SLC8A1: variants seen among roughly 807,000 people sequenced by gnomAD.
SLC8A1 encodes the protein solute carrier family 8 member A1, also known as sodium/calcium exchanger 1.
A neutral mutation model predicts 68.3 loss-of-function variants in SLC8A1; 18 were observed. The observed-to-expected ratio is 0.26, with a 90% confidence interval of 0.18 to 0.39. The LOEUF (loss-of-function observed/expected upper bound fraction) is 0.39, where lower values mean the gene tolerates loss of function less well. Ranked by LOEUF, SLC8A1 falls within the 10% of genes least tolerant of loss-of-function variation. The pLI, the probability that SLC8A1 is intolerant of heterozygous loss-of-function variation, is 1.00. For synonymous variants in SLC8A1, 475 were observed against 415.5 expected (o/e 1.14, Z -1.74); for missense variants, 985 against 1,156.7 (o/e 0.85, Z 2.15).
chr2:40,250,950 C>T (rs981898617), intron 2 of SLC8A1: 1 of 152,222 alleles, frequency 6.6e-6, no homozygotes, highest in African/African-American at 2.4e-5. Context: ...TGGGTGGCCC[C>T]AAACTCCCAC....
intron 1 of SLC8A1, among the ~76,000 whole-genome samples, chr2:40,465,901 C>G (rs1049915345): frequency 6.6e-6 from 1 of 152,074 alleles, no homozygotes; most frequent in African/African-American, 2.4e-5. Context: ...CAATATAGAA[C>G]GGTCTTTTGG....
chr2:40,263,526 C>A (rs929377683), intron 2 of SLC8A1, among the ~76,000 whole-genome samples: 1 of 152,020 alleles, frequency 6.6e-6, no homozygotes, highest in Non-Finnish European at 1.5e-5. Context: ...TGGAACAGAA[C>A]AGAGCCCTCA....
chr2:40,481,772 T>TC (rs1704644739), intron 1 of SLC8A1, among the ~76,000 whole-genome samples: 1 of 152,186 alleles, frequency 6.6e-6, no homozygotes, highest in Non-Finnish European at 1.5e-5. Flanking sequence ...TGCCAGTTCT[T>TC]CATGTCTCCA....
Position 40,230,234 on chromosome 2 carries a change from G to C in SLC8A1, c.1809-52379C>G, listed in dbSNP as rs1213264810. 2.6e-5 allele frequency among the ~76,000 whole-genome samples: 4 copies of C among 152,192 alleles called. No homozygotes were observed. In the East Asian group the frequency reaches 7.7e-4, roughly 29 times the overall value. On this transcript the variant is annotated intron_variant, in intron 2 of 7. Coordinates refer to ENST00000406785, the Ensembl canonical transcript of SLC8A1. ...TACTCTAAAGATTCTAGTTTTGCTA[G>C]ATGTGTCTTGTCTTCCCCTACTTTT...
At chr2:40,439,925 CA>C (rs1700170548) in intron 1 of SLC8A1, among the ~76,000 whole-genome samples, 2 of 152,098 alleles carry the variant, frequency 1.3e-5, no homozygotes, top group African/African-American at 4.8e-5. Context: ...TACTCAGTGA[CA>C]AAGTTCTAAC....
exon 8 of SLC8A1, chr2:40,107,322 C>T (rs1217014554): frequency 7.3e-6 from 1 of 136,942 alleles, no homozygotes; most frequent in African/African-American, 2.7e-5. Context: ...TAACAACAGG[C>T]ATGGGAACCT....
chr2:40,300,293 T>G (rs1416873430), intron 2 of SLC8A1, among the ~76,000 whole-genome samples: 2 of 152,204 alleles, frequency 1.3e-5, no homozygotes. Context: ...TATAAAGTCA[T>G]TCTTGTTATC....
At chr2:40,249,971 A>G (rs2062485457) in intron 2 of SLC8A1, among the ~76,000 whole-genome samples, 1 of 152,154 alleles carries the variant, frequency 6.6e-6, no homozygotes, top group Admixed American at 6.6e-5. Flanking sequence ...ATCCAAATCT[A>G]TTGGTCTAGG....
chr2:40,479,853 G>A (rs1704523681), intron 1 of SLC8A1, among the ~76,000 whole-genome samples: 1 of 152,152 alleles, frequency 6.6e-6, no homozygotes. Context: ...CCTTCATAGT[G>A]ATCCACTTAC....
intron 1 of SLC8A1, 97 bp from the exon 2 acceptor site, chr2:40,430,401 C>A: frequency 7.7e-7 from 1 of 1,296,008 alleles, no homozygotes; most frequent in Non-Finnish European, 1.0e-6. Flanking sequence ...TTACTCTTAC[C>A]AAAATTTGTT....
At chr2:40,128,731 T>C (rs1351452817) in intron 7 of SLC8A1, among the ~76,000 whole-genome samples, 1 of 152,162 alleles carries the variant, frequency 6.6e-6, no homozygotes, top group Non-Finnish European at 1.5e-5. Flanking sequence ...TTTAAAAAGG[T>C]GGACAAATCC....
chr2:40,423,671 G>A (rs940334821), intron 2 of SLC8A1, among the ~76,000 whole-genome samples: 3 of 151,886 alleles, frequency 2.0e-5, no homozygotes, highest in African/African-American at 7.2e-5. Context: ...GCTTTAATTA[G>A]TGCTGGAAAA....
intron 6 of SLC8A1, among the ~76,000 whole-genome samples, chr2:40,151,743 CAA>C (rs988791335): frequency 1.2e-4 from 18 of 152,104 alleles, no homozygotes; most frequent in African/African-American, 4.1e-4. Context: ...CTTCCAGTTG[CAA>C]GGTGACAAAA....
chr2:40,266,647 C>T (rs1021482014), intron 2 of SLC8A1, among the ~76,000 whole-genome samples: 21 of 152,172 alleles, frequency 1.4e-4, no homozygotes, highest in African/African-American at 4.6e-4. Context: ...TAGTCAGTTA[C>T]GCACTCCATA....
chr2:40,138,881 ACT>A (rs1491240489), intron 7 of SLC8A1, among the ~76,000 whole-genome samples: 1 of 152,158 alleles, frequency 6.6e-6, no homozygotes, highest in Non-Finnish European at 1.5e-5. Context: ...TGTCAGGATT[ACT>A]TTTTTCCTGT....
At chr2:40,161,120 TTAGAA>T (rs1462813314) in intron 5 of SLC8A1, among the ~76,000 whole-genome samples, 2 of 152,130 alleles carry the variant, frequency 1.3e-5, no homozygotes, top group African/African-American at 2.4e-5. Flanking sequence ...GCCTCAGTGT[TTAGAA>T]TAGCAGATGC....
exon 8 of SLC8A1, chr2:40,102,491 G>A (rs2033954188): frequency 6.6e-6 from 1 of 152,036 alleles, no homozygotes. Flanking sequence ...AAATTAAGTT[G>A]AGCAACTGTC....
chr2:40,233,137 T>C (rs888008417), intron 2 of SLC8A1, among the ~76,000 whole-genome samples: 1 of 152,130 alleles, frequency 6.6e-6, no homozygotes, highest in Non-Finnish European at 1.5e-5. Context: ...CTGGGTCAAA[T>C]GGTGTTTCCA....
chr2:40,219,034 T>TCTACCTGCAACCCTTGATTGGCCTC (rs11268044), intron 2 of SLC8A1, among the ~76,000 whole-genome samples: 115,780 of 151,766 alleles, frequency 0.76, 44,763 homozygotes, highest in Middle Eastern at 0.84. Context: ...AAATCCTATT[T>TCTACCTGCAACCCTTGATTGGCCTC]CTTGGTCTGA....
Sources: allele counts gnomAD v4.1 joint callset (sites outside exome capture counted in the v4.1 genomes callset), GRCh38; gene constraint gnomAD v4.1.1; transcripts MANE v1.5; gene names NCBI Gene and HGNC (gene_info 2026-07-23, HGNC 2026-07-21).